NEMF: variants seen among roughly 807,000 people sequenced by gnomAD.
NEMF encodes nuclear export mediator factor.
Under a neutral mutation model 162.2 loss-of-function variants are expected in NEMF, and 89 were observed. The ratio of observed to expected loss-of-function variants is 0.55; its 90% confidence interval spans 0.46 to 0.65. NEMF has a LOEUF of 0.65. Ranked by LOEUF, NEMF falls within the 30% of genes least tolerant of loss-of-function variation. NEMF has a pLI of 0.00. For missense variants in NEMF, 1,133 were observed against 1,261.9 expected, an observed-to-expected ratio of 0.90 and a Z score of 1.55; for synonymous variants, 421 against 404.5, an observed-to-expected ratio of 1.04 and a Z score of -0.49.
intron 4 of NEMF, among the ~76,000 whole-genome samples, chr14:49,844,591 T>A (rs546001104): frequency 6.6e-6 from 1 of 152,176 alleles, no homozygotes; most frequent in Non-Finnish European, 1.5e-5. Context: ...TGCATACTAC[T>A]GTAGACTTGA....
rs1889977080 is a variant in NEMF, at chr14:49,782,912, G to GTTAATCAGAGGTTT, written c.*1710_*1723dup. ...CCTTCCAAAACACTTACTTCACAGTGTTAATCAGAGGTTTGGTAGTAACAA... is the reference window on the plus strand; with the variant it reads ...CCTTCCAAAACACTTACTTCACAGTGTTAATCAGAGGTTTTTAATCAGAGGTTTGGTAGTAACAA... On this transcript the variant is annotated 3_prime_UTR_variant, in exon 33 of 33. Coordinates refer to ENST00000298310, the MANE Select transcript of NEMF (RefSeq NM_004713.6). 1 of 1,613,724 alleles carries GTTAATCAGAGGTTT rather than the reference G, an allele frequency of 6.2e-7. No homozygotes were observed. Among genetic ancestry groups the GTTAATCAGAGGTTT allele is most frequent in the Non-Finnish European group, 8.5e-7 (1 of 1,179,758 alleles).
At chr14:49,851,786 A>C in intron 2 of NEMF, 21 bp downstream of exon 2, 1 of 1,484,096 alleles carries the variant, frequency 6.7e-7, no homozygotes, top group Non-Finnish European at 9.3e-7. Context: ...AAGAGAAAAT[A>C]AGCCTATAAA....
intron 16 of NEMF, among the ~76,000 whole-genome samples, chr14:49,816,557 C>A (rs1473040571): frequency 6.6e-6 from 1 of 152,218 alleles, no homozygotes; most frequent in Non-Finnish European, 1.5e-5. Flanking sequence ...TACGTGATGT[C>A]ACCCCCAGCA....
intron 26 of NEMF, among the ~76,000 whole-genome samples, chr14:49,795,079 G>C (rs905923749): frequency 3.3e-5 from 5 of 152,118 alleles, no homozygotes; most frequent in African/African-American, 1.2e-4. Context: ...CACACCTCTA[G>C]TTACAAGCAC....
At chr14:49,795,346 T>C (rs1890641989) in intron 26 of NEMF, among the ~76,000 whole-genome samples, 1 of 29,794 alleles carries the variant, frequency 3.4e-5, no homozygotes, top group Non-Finnish European at 6.2e-5. Context: ...TTGGGGGAGC[T>C]GACAGCGGGG....
rs1446436684 is a variant in NEMF at position 49,799,511 on chromosome 14, G to A, written c.2429C>T (p.Ser810Leu). The A allele has an allele frequency of 1.2e-6, 2 of 1,611,838 alleles. No homozygotes were observed. The highest frequency in any genetic ancestry group is 1.7e-6 in the Non-Finnish European group (2 of 1,179,450). Residue 810 changes from serine (S) to leucine (L), a missense_variant, in exon 25 of 33, where the codon TCA becomes TTA. Physicochemically the swap from Ser to Leu is moderately radical, Grantham distance 145 (BLOSUM62 -2). Transcript: ENST00000298310. Reference sequence around the variant, plus strand: ...GGCTGACAAATGTCTCCGGCTCTGTGATTTACTGTCACTCTATTAAAACAA... The same window carrying A: ...GGCTGACAAATGTCTCCGGCTCTGTAATTTACTGTCACTCTATTAAAACAA... ...EESSNSSDSK[S>L]QSRRHLSAKE... is the part of the protein sequence containing the mutation.
In NEMF at chr14:49,814,693, T is replaced by C. The variant is rs905770892; in HGVS notation, c.1681+61A>G. The C allele has an allele frequency of 3.1e-5, 26 of 848,854 alleles. No homozygotes were observed. The African/African-American group carries it at 4.2e-4, about 14-fold the overall frequency. 52.6% of individuals were successfully genotyped at this position (848,854 alleles called of 1,614,324 possible). A position where few individuals can be genotyped will look rare whatever the true frequency, so the allele number is the denominator to read the frequency against. On this transcript the variant is annotated intron_variant, in intron 17 of 32. Coordinates refer to ENST00000298310, the MANE Select transcript of NEMF (RefSeq NM_004713.6). Reference sequence around the variant, plus strand: ...GTATAACAAGAAAATCAATGCCTAATATTGAGATAACTGATCCAAACATTC... The same window carrying C: ...GTATAACAAGAAAATCAATGCCTAACATTGAGATAACTGATCCAAACATTC...
intron 16 of NEMF, among the ~76,000 whole-genome samples, chr14:49,823,363 T>C (rs1892180840): frequency 6.7e-6 from 1 of 150,324 alleles, no homozygotes; most frequent in South Asian, 2.1e-4. Flanking sequence ...TAAAAGAAAC[T>C]AAAGCAGAAA....
Position 49,852,768 on chromosome 14 carries a change from G to C in NEMF, c.-15C>G. 1 of 1,614,154 alleles carries C rather than the reference G, an allele frequency of 6.2e-7. No homozygotes were observed. The highest frequency in any genetic ancestry group is 8.5e-7 in the Non-Finnish European group (1 of 1,179,990). Reference sequence around the variant, plus strand: ...CGGCTCTTCATGGCGAGGCCCGAGGGTCACTACCGCAAGTTCCTCTACTGC... The same window carrying C: ...CGGCTCTTCATGGCGAGGCCCGAGGCTCACTACCGCAAGTTCCTCTACTGC... On this transcript the variant is annotated 5_prime_UTR_variant, in exon 1 of 33. Transcript: ENST00000298310.
chr14:49,820,831 G>GCTGGT (rs1891973332), intron 16 of NEMF, among the ~76,000 whole-genome samples: 1 of 152,060 alleles, frequency 6.6e-6, no homozygotes, highest in African/African-American at 2.4e-5. Context: ...TGTTGGCCGG[G>GCTGGT]CTGGTCTCCA....
At chr14:49,788,939 ATTG>A (rs1176213775) in intron 28 of NEMF, among the ~76,000 whole-genome samples, 2 of 152,168 alleles carry the variant, frequency 1.3e-5, no homozygotes, top group Admixed American at 6.5e-5. Context: ...TTGTAACAAA[ATTG>A]TTATCAGCTA....
In NEMF at chr14:49,803,292, T is replaced by C. The variant is rs771796287; in HGVS notation, c.1860A>G (p.Val620=). 1 of 1,600,038 alleles carries C rather than the reference T, an allele frequency of 6.2e-7. No individual in the cohort carries two copies. Among genetic ancestry groups the C allele is most frequent in the Admixed American group, 1.7e-5 (1 of 59,962 alleles). The part of the protein sequence containing the change: ...TSAWWVYHHQ[V]SKTAPTGEYL... ...ATTCTCCAGTTGGTGCTGTTTTAGATACCTGAAGAACACAATAATACATTA... is the reference window on the plus strand; with the variant it reads ...ATTCTCCAGTTGGTGCTGTTTTAGACACCTGAAGAACACAATAATACATTA... The change falls in exon 20 of 33, where the codon GTA becomes GTG. Residue 620 remains valine (V), a splice_region_variant and synonymous_variant. Coordinates refer to ENST00000298310, the MANE Select transcript of NEMF (RefSeq NM_004713.6).
chr14:49,808,268 G>C (rs1013409205), intron 18 of NEMF, among the ~76,000 whole-genome samples: 2 of 152,050 alleles, frequency 1.3e-5, no homozygotes, highest in African/African-American at 4.8e-5. Context: ...CGCCTCCAGG[G>C]TCCAAGCGAT....
In NEMF at chr14:49,828,163, T is replaced by A. The variant is rs140875700; in HGVS notation, c.1488+128A>T. 6.0e-4 allele frequency: 442 copies of A among 742,856 alleles called. 1 individual carries two copies. The African/African-American group carries it at 6.7e-3, about 11-fold the overall frequency. 46.0% of individuals were successfully genotyped at this position (742,856 alleles called of 1,614,324 possible). Reference sequence around the variant, plus strand: ...GAAAAAATACTGGAAATACATATATTTAAAGCAAAGTTAAGTTTGAAAGAT... The same window carrying A: ...GAAAAAATACTGGAAATACATATATATAAAGCAAAGTTAAGTTTGAAAGAT... On this transcript the variant is annotated intron_variant, in intron 15 of 32. Transcript: ENST00000298310.
rs573664476 is a variant in NEMF, at chr14:49,832,035, A to C, written c.882+16T>G. ...CATGCTAACTAACTGGTAAAGGAAC[A>C]GAACGGAAAACCCACCTTGTCAAAT... On this transcript the variant is annotated intron_variant, in intron 10 of 32. Coordinates refer to ENST00000298310, the MANE Select transcript of NEMF (RefSeq NM_004713.6). 70 of 1,569,346 alleles carry C rather than the reference A, an allele frequency of 4.5e-5. No homozygotes were observed. Among genetic ancestry groups the C allele is most frequent in the Non-Finnish European group, 5.2e-5 (60 of 1,156,306 alleles).
chr14:49,802,794 A>C (rs935764714), intron 20 of NEMF, 67 bp from the exon 21 acceptor site: 1 of 1,212,880 alleles, frequency 8.2e-7, no homozygotes, highest in Admixed American at 2.1e-5. Flanking sequence ...TGTAAAACAA[A>C]AAAAAATTAG....
chr14:49,795,744 A>G, intron 26 of NEMF, 47 bp downstream of exon 26: 1 of 1,529,724 alleles, frequency 6.5e-7, no homozygotes. Context: ...ATTAAAAAGG[A>G]ACCTCACAAA....
At chr14:49,824,649 G>A (rs1470870836) in intron 16 of NEMF, among the ~76,000 whole-genome samples, 3 of 149,460 alleles carry the variant, frequency 2.0e-5, no homozygotes, top group Non-Finnish European at 4.4e-5. Context: ...GGCTAGTCTC[G>A]AACTCCAGAG....
At chr14:49,818,252 G>T (rs545945145) in intron 16 of NEMF, 1 of 152,070 alleles carries the variant, frequency 6.6e-6, no homozygotes, top group Non-Finnish European at 1.5e-5. Context: ...CACCACGCCC[G>T]GCTAATTTTT....
Sources: gnomAD v4.1 joint callset for allele counts (sites outside exome capture counted in the v4.1 genomes callset) on GRCh38, gnomAD v4.1.1 for gene constraint, MANE v1.5 for transcripts, NCBI Gene and HGNC (gene_info 2026-07-23, HGNC 2026-07-21) for gene names.